Variants in PCLO observed in about 807,000 individuals in gnomAD.
The protein encoded by PCLO is piccolo presynaptic cytomatrix protein, also known as protein piccolo.
In PCLO, 82 loss-of-function variants were observed where a neutral mutation model predicts 427.5. That is an observed-to-expected ratio of 0.19 (90% CI 0.16 to 0.23). PCLO has a LOEUF of 0.23. Among genes scored for constraint, PCLO ranks in the 10% least tolerant of loss-of-function variants. PCLO has a pLI of 1.00. For synonymous variants in PCLO, 2,357 were observed against 2,155.4 expected (o/e 1.09, Z -2.59); for missense variants, 6,239 against 6,115.9 (o/e 1.02, Z -0.67).
At chr7:83,116,979 G>A (rs113183974) in intron 3 of PCLO, among the ~76,000 whole-genome samples, 3 of 152,150 alleles carry the variant, frequency 2.0e-5, no homozygotes, top group African/African-American at 7.2e-5. Flanking sequence ...AATGTGGTAT[G>A]TATAGACAAT....
At chr7:83,076,252 G>A (rs1259556998) in intron 3 of PCLO, among the ~76,000 whole-genome samples, 3 of 151,598 alleles carry the variant, frequency 2.0e-5, no homozygotes, top group Non-Finnish European at 4.4e-5. Flanking sequence ...TCTTTCAAAG[G>A]GTAAATGGTG....
At chr7:82,923,719 T>C (rs1794649070) in intron 6 of PCLO, among the ~76,000 whole-genome samples, 1 of 152,142 alleles carries the variant, frequency 6.6e-6, no homozygotes, top group Non-Finnish European at 1.5e-5. Context: ...CATTTAATGT[T>C]TTCCTATGAC....
At chr7:83,092,389 G>C (rs1270628582) in intron 3 of PCLO, among the ~76,000 whole-genome samples, 1 of 118,710 alleles carries the variant, frequency 8.4e-6, no homozygotes, top group Non-Finnish European at 1.8e-5. Flanking sequence ...AAGACCCATG[G>C]ACCCGGCACA....
intron 3 of PCLO, among the ~76,000 whole-genome samples, chr7:83,040,569 C>A (rs748596918): frequency 5.3e-5 from 8 of 152,134 alleles, no homozygotes; most frequent in Non-Finnish European, 1.2e-4. Context: ...GGGGTCCTTC[C>A]AGCTGTCTCT....
At chr7:83,044,361 AAAAT>A (rs1311717049) in intron 3 of PCLO, among the ~76,000 whole-genome samples, 1 of 152,210 alleles carries the variant, frequency 6.6e-6, no homozygotes, top group Non-Finnish European at 1.5e-5. Flanking sequence ...ATTTGTGAGA[AAAAT>A]AACACAATTA....
intron 3 of PCLO, among the ~76,000 whole-genome samples, chr7:83,045,985 T>C (rs1789094939): frequency 6.6e-6 from 1 of 152,120 alleles, no homozygotes; most frequent in African/African-American, 2.4e-5. Flanking sequence ...GACCAATATA[T>C]TGGCAGGTTT....
intron 3 of PCLO, among the ~76,000 whole-genome samples, chr7:82,986,355 T>TCA (rs1477285683): frequency 3.3e-5 from 5 of 151,448 alleles, no homozygotes; most frequent in Non-Finnish European, 7.4e-5. Context: ...AGAAATATGC[T>TCA]CTTTTAATGA....
At chr7:82,827,508 T>A (rs1791974547) in intron 17 of PCLO, among the ~76,000 whole-genome samples, 1 of 152,154 alleles carries the variant, frequency 6.6e-6, no homozygotes, top group African/African-American at 2.4e-5. Flanking sequence ...TTATTTTTTT[T>A]GTGTATTGTG....
chr7:82,822,724 G>A, intron 19 of PCLO, 35 bp from the exon 20 acceptor site: 1 of 1,578,750 alleles, frequency 6.3e-7, no homozygotes, highest in Non-Finnish European at 8.7e-7. Flanking sequence ...AGTTAAAGTT[G>A]TTCCAGCATT....
chr7:82,974,761 T>C (rs1391601694), intron 3 of PCLO, among the ~76,000 whole-genome samples: 2 of 152,188 alleles, frequency 1.3e-5, no homozygotes, highest in African/African-American at 4.8e-5. Context: ...TAGAGGTGTA[T>C]TTTGGTATAT....
Position 83,016,491 on chromosome 7 carries a change from C to A in PCLO, c.3301-50004G>T, listed in dbSNP as rs552013066. 5.6e-4 allele frequency among the ~76,000 whole-genome samples: 85 copies of A among 152,070 alleles called. 1 individual carries two copies. The South Asian group carries it at 0.017, about 30-fold the overall frequency. ...TAAGAAACAAATATAGAAGTTTCAG[C>A]CATTAAAGAATGTGTCTTTTGACCT... is the stretch of plus-strand genomic sequence containing the variant. On this transcript the variant is annotated intron_variant, in intron 3 of 24. Coordinates refer to ENST00000333891, the MANE Select transcript of PCLO (RefSeq NM_033026.6).
intron 22 of PCLO, among the ~76,000 whole-genome samples, chr7:82,788,890 A>G (rs1791041678): frequency 6.6e-6 from 1 of 151,828 alleles, no homozygotes; most frequent in Non-Finnish European, 1.5e-5. Flanking sequence ...TGCAAAATAA[A>G]TAGTGACTCA....
chr7:82,874,221 G>A (rs1289066769), intron 10 of PCLO, among the ~76,000 whole-genome samples: 1 of 149,146 alleles, frequency 6.7e-6, no homozygotes, highest in Non-Finnish European at 1.5e-5. Context: ...TTGGATCTTT[G>A]CTACTGGCAT....
At chr7:83,099,069 A>T (rs1249112381) in intron 3 of PCLO, among the ~76,000 whole-genome samples, 1 of 151,960 alleles carries the variant, frequency 6.6e-6, no homozygotes, top group Non-Finnish European at 1.5e-5. Context: ...TGAATAGCTT[A>T]CAAAAACGCT....
chr7:82,856,296 A>G (rs1792803857), intron 10 of PCLO, among the ~76,000 whole-genome samples: 1 of 152,188 alleles, frequency 6.6e-6, no homozygotes, highest in Admixed American at 6.6e-5. Context: ...TGTTGCAAAG[A>G]TATGCTTTTT....
At chr7:83,098,684 C>G (rs1790656967) in intron 3 of PCLO, among the ~76,000 whole-genome samples, 1 of 152,076 alleles carries the variant, frequency 6.6e-6, no homozygotes, top group Non-Finnish European at 1.5e-5. Context: ...TCTCTATGAT[C>G]ATCCTTTAGC....
intron 8 of PCLO, among the ~76,000 whole-genome samples, chr7:82,905,812 G>A (rs1794175630): frequency 6.6e-6 from 1 of 152,022 alleles, no homozygotes; most frequent in South Asian, 2.1e-4. Context: ...CAGATGATGT[G>A]AGCGTTAAGT....
chr7:82,855,037 A>G (rs1792765720), intron 10 of PCLO, among the ~76,000 whole-genome samples: 1 of 152,174 alleles, frequency 6.6e-6, no homozygotes, highest in Non-Finnish European at 1.5e-5. Flanking sequence ...GAAAGTATTT[A>G]GAGTCAATGA....
Position 82,926,207 on chromosome 7 carries a change from T to C in PCLO, c.11113-9334A>G, listed in dbSNP as rs142481686. 7.4e-3 allele frequency among the ~76,000 whole-genome samples: 1,127 copies of C among 152,288 alleles called. 15 individuals carry two copies. Among genetic ancestry groups the C allele is most frequent in the African/African-American group, 0.025 (1,049 of 41,564 alleles). Reference sequence around the variant, plus strand: ...ACCATCAAATTCTTCAATTAGAGTATTGTGAAATAGTTTAATAATTGTTTC... The same window carrying C: ...ACCATCAAATTCTTCAATTAGAGTACTGTGAAATAGTTTAATAATTGTTTC... On this transcript the variant is annotated intron_variant, in intron 6 of 24. Transcript: ENST00000333891.
Sources: allele counts gnomAD v4.1 joint callset (sites outside exome capture counted in the v4.1 genomes callset), GRCh38; gene constraint gnomAD v4.1.1; transcripts MANE v1.5; gene names NCBI Gene and HGNC (gene_info 2026-07-23, HGNC 2026-07-21).